CDC42BPB: variants seen among roughly 807,000 people sequenced by gnomAD.
The protein encoded by CDC42BPB is CDC42 binding protein kinase beta.
A neutral mutation model predicts 214.9 loss-of-function variants in CDC42BPB; 37 were observed. That is an observed-to-expected ratio of 0.17 (90% CI 0.13 to 0.23). The LOEUF is 0.23. Ranked by LOEUF, CDC42BPB falls within the 10% of genes least tolerant of loss-of-function variation. CDC42BPB has a pLI of 1.00. For synonymous variants in CDC42BPB, 931 were observed against 884.0 expected, an observed-to-expected ratio of 1.05 and a Z score of -0.94; for missense variants, 1,694 against 2,227.0, an observed-to-expected ratio of 0.76 and a Z score of 4.82.
chr14:103,021,226 C>T (rs902159487), intron 1 of CDC42BPB, among the ~76,000 whole-genome samples: 12 of 152,142 alleles, frequency 7.9e-5, no homozygotes, highest in Non-Finnish European at 1.2e-4. Flanking sequence ...TTTGGGAGGC[C>T]GAGGCGAGTG....
intron 1 of CDC42BPB, among the ~76,000 whole-genome samples, chr14:103,046,766 G>A (rs979690345): frequency 3.7e-4 from 56 of 151,996 alleles, no homozygotes; most frequent in African/African-American, 1.2e-3. Flanking sequence ...CGATTCTCCT[G>A]CCTCAGCCAC....
intron 36 of CDC42BPB, among the ~76,000 whole-genome samples, chr14:102,937,895 A>C (rs1380848683): frequency 6.6e-6 from 1 of 152,156 alleles, no homozygotes; most frequent in Non-Finnish European, 1.5e-5. Flanking sequence ...CAGCGTTCCC[A>C]AAGGAGCTTG....
At chr14:102,942,109 C>T (rs1220222220) in intron 30 of CDC42BPB, among the ~76,000 whole-genome samples, 1 of 152,198 alleles carries the variant, frequency 6.6e-6, no homozygotes, top group African/African-American at 2.4e-5. Flanking sequence ...AAACCCTGTG[C>T]TGGCTGCCTA....
chr14:102,999,928 G>A (rs189690385), intron 4 of CDC42BPB: 322 of 984,412 alleles, frequency 3.3e-4, no homozygotes, highest in Non-Finnish European at 3.5e-4. Context: ...GGCAGAGAGT[G>A]GACTTCAGTA....
chr14:102,960,347 T>C (rs572086082), intron 20 of CDC42BPB, among the ~76,000 whole-genome samples: 26 of 152,170 alleles, frequency 1.7e-4, no homozygotes, highest in African/African-American at 5.5e-4. Context: ...CCAGGCACAG[T>C]GGTTCACACC....
In CDC42BPB at chr14:102,963,127, T is replaced by G. The variant is rs1209477360; in HGVS notation, c.2755A>C (p.Arg919=). 1 of 1,598,258 alleles carries G rather than the reference T, an allele frequency of 6.3e-7. No individual in the cohort carries two copies. Among genetic ancestry groups the G allele is most frequent in the Non-Finnish European group, 8.6e-7 (1 of 1,167,714 alleles). ...ATTTCCATTTCTTCTAATAATTCTC[T>G]GTTTTTGGCTTCGGAATCCTTTAGT... ...SKLKDSEAKN[R]ELLEEMEILK... is the part of the protein sequence containing the mutation. The change falls in exon 20 of 37, where the codon AGA becomes CGA. Residue 919 remains arginine (R), a synonymous_variant. Coordinates refer to ENST00000361246, the MANE Select transcript of CDC42BPB (RefSeq NM_006035.4).
chr14:102,998,114 G>A (rs578046023), intron 5 of CDC42BPB, among the ~76,000 whole-genome samples: 4 of 152,310 alleles, frequency 2.6e-5, no homozygotes, highest in South Asian at 2.1e-4. Flanking sequence ...GTGGCAGAGC[G>A]AGACTCCATC....
At chr14:103,007,746 G>A (rs1039886675) in intron 3 of CDC42BPB, among the ~76,000 whole-genome samples, 7 of 152,168 alleles carry the variant, frequency 4.6e-5, no homozygotes, top group African/African-American at 1.2e-4. Context: ...TGGCAGAGGC[G>A]GGAGTCACGG....
rs574658027 is a variant in CDC42BPB at position 103,056,335 on chromosome 14, G to A, written c.175+664C>T. Among the ~76,000 whole-genome samples the A allele has an allele frequency of 1.1e-4, 16 of 152,304 alleles. No individual in the cohort carries two copies. In the East Asian group the frequency reaches 2.5e-3, roughly 24 times the overall value. On this transcript the variant is annotated intron_variant, in intron 1 of 36. Coordinates refer to ENST00000361246, the MANE Select transcript of CDC42BPB (RefSeq NM_006035.4). Reference sequence around the variant, plus strand: ...GCCTTAACCTTAAAATTCCCTTGAAGGTGTTACAGCAAAGTAGGTATTCAG... The same window carrying A: ...GCCTTAACCTTAAAATTCCCTTGAAAGTGTTACAGCAAAGTAGGTATTCAG...
At chr14:102,997,217 G>A (rs1470729202) in intron 5 of CDC42BPB, among the ~76,000 whole-genome samples, 1 of 152,102 alleles carries the variant, frequency 6.6e-6, no homozygotes, top group African/African-American at 2.4e-5. Context: ...CACACCTCTC[G>A]AGAGCAGCCT....
At chr14:102,961,436 G>T (rs1892954889) in intron 20 of CDC42BPB, among the ~76,000 whole-genome samples, 1 of 151,826 alleles carries the variant, frequency 6.6e-6, no homozygotes. Flanking sequence ...CCAGGTTCAA[G>T]CGATTCTCCT....
intron 17 of CDC42BPB, 107 bp downstream of exon 17, chr14:102,966,939 G>A: frequency 1.5e-6 from 2 of 1,332,700 alleles, no homozygotes; most frequent in Non-Finnish European, 2.1e-6. Flanking sequence ...CCCAGCCTGA[G>A]AGGCACGGCC....
Position 102,938,333 on chromosome 14 carries a change from T to C in CDC42BPB, c.4906A>G (p.Lys1636Glu). 1.2e-6 allele frequency: 2 copies of C among 1,605,208 alleles called. No homozygotes were observed. Among genetic ancestry groups the C allele is most frequent in the Non-Finnish European group, 1.7e-6 (2 of 1,176,348 alleles). The stretch of plus-strand genomic sequence containing the variant: ...GATGAGGGCCACGAGATGTAGGGCT[T>C]GTTCCTGGATGGAGGCTGGCGAGCC... ...NLARQPPSRN[K>E]PYISWPSSGG... Residue 1636 changes from lysine to glutamate, a missense_variant, in exon 35 of 37, where the codon AAG becomes GAG. Lys to Glu is a moderately conservative substitution (Grantham distance 56). Transcript: ENST00000361246.
At chr14:103,037,855 G>A (rs1001733101) in intron 1 of CDC42BPB, among the ~76,000 whole-genome samples, 2 of 150,496 alleles carry the variant, frequency 1.3e-5, no homozygotes, top group Non-Finnish European at 3.0e-5. Context: ...ACAGTGAAAC[G>A]CGTCTCTACT....
rs1053944541 is a variant in CDC42BPB, at chr14:103,001,429, T to C, written c.448-1716A>G. 6.6e-6 allele frequency among the ~76,000 whole-genome samples: 1 copy of C among 151,748 alleles called. No homozygotes were observed. Among genetic ancestry groups the C allele is most frequent in the African/African-American group, 2.4e-5 (1 of 41,286 alleles). On this transcript the variant is annotated intron_variant, in intron 4 of 36. Transcript: ENST00000361246. This position sits in a 1 kb window ranked among gnomAD's most constrained non-coding sequence, Gnocchi z 5.8. Reference sequence around the variant, plus strand: ...CCTGGTGAGGTGCCCAGGCCAGAGGTTGCCAAGCAGAGGCCTGAGGGGAGC... The same window carrying C: ...CCTGGTGAGGTGCCCAGGCCAGAGGCTGCCAAGCAGAGGCCTGAGGGGAGC...
At chr14:102,976,496 C>T (rs573438944) in intron 9 of CDC42BPB, among the ~76,000 whole-genome samples, 4 of 152,368 alleles carry the variant, frequency 2.6e-5, no homozygotes, top group African/African-American at 2.4e-5. Flanking sequence ...GGCTAAGCCA[C>T]CAATTCTAGC....
At chr14:103,054,471 G>C (rs888154746) in intron 1 of CDC42BPB, among the ~76,000 whole-genome samples, 7 of 152,336 alleles carry the variant, frequency 4.6e-5, no homozygotes, top group Admixed American at 1.3e-4. Flanking sequence ...CCACTTGGAA[G>C]TTAGAGTACC....
rs186734991 is a variant in CDC42BPB at position 102,965,127 on chromosome 14, T to C, written c.2578-477A>G. Among the ~76,000 whole-genome samples the C allele has an allele frequency of 4.6e-5, 7 of 151,732 alleles. No individual in the cohort carries two copies. In the East Asian group the frequency reaches 1.4e-3, roughly 29 times the overall value. On this transcript the variant is annotated intron_variant, in intron 18 of 36. Coordinates refer to ENST00000361246, the MANE Select transcript of CDC42BPB (RefSeq NM_006035.4). ...TTTTGTATTTTTAGTAGAGACAGGGTTTCACCACGTTGGCCAGGCTAGTCT... is the reference window on the plus strand; with the variant it reads ...TTTTGTATTTTTAGTAGAGACAGGGCTTCACCACGTTGGCCAGGCTAGTCT...
intron 13 of CDC42BPB, among the ~76,000 whole-genome samples, chr14:102,971,122 T>C (rs907323909): frequency 1.3e-5 from 2 of 152,196 alleles, no homozygotes; most frequent in African/African-American, 2.4e-5. Context: ...GATTTCTTCA[T>C]GTACTTTATC....
Sources: allele counts gnomAD v4.1 joint callset (sites outside exome capture counted in the v4.1 genomes callset), GRCh38; gene constraint gnomAD v4.1.1; non-coding constraint Gnocchi (gnomAD v3.1); transcripts MANE v1.5; gene names NCBI Gene and HGNC (gene_info 2026-07-23, HGNC 2026-07-21).